LTBP1: variants seen among roughly 807,000 people sequenced by gnomAD.
LTBP1 encodes the protein latent-transforming growth factor beta-binding protein 1.
Under a neutral mutation model 207.6 loss-of-function variants are expected in LTBP1, and 129 were observed. That is an observed-to-expected ratio of 0.62 (90% CI 0.54 to 0.72). The LOEUF (loss-of-function observed/expected upper bound fraction) is 0.72, where lower values mean the gene tolerates loss of function less well. Ranked by LOEUF, LTBP1 falls within the 30% of genes least tolerant of loss-of-function variation. LTBP1 has a pLI of 0.00. For missense variants in LTBP1, 2,281 were observed against 2,217.2 expected (o/e 1.03, Z -0.58); for synonymous variants, 963 against 833.7 (o/e 1.16, Z -2.67).
intron 13 of LTBP1, among the ~76,000 whole-genome samples, chr2:33,262,174 A>G (rs1193711739): frequency 6.6e-6 from 1 of 152,226 alleles, no homozygotes; most frequent in Non-Finnish European, 1.5e-5. Flanking sequence ...CCTGGCTACC[A>G]CTGTTCAGAG....
At chr2:33,178,277 T>C (rs1408330470) in intron 5 of LTBP1, among the ~76,000 whole-genome samples, 1 of 152,162 alleles carries the variant, frequency 6.6e-6, no homozygotes, top group Non-Finnish European at 1.5e-5. Flanking sequence ...TGATGAAGAA[T>C]GTGAAGTGGA....
At chr2:33,005,619 CAG>C (rs374380723) in intron 2 of LTBP1, among the ~76,000 whole-genome samples, 2 of 126,620 alleles carry the variant, frequency 1.6e-5, no homozygotes, top group African/African-American at 6.1e-5. Context: ...TTTTTTGAGA[CAG>C]TGTGTTTCTG....
chr2:33,317,552 A>G (rs2094290897), intron 24 of LTBP1: 1 of 152,240 alleles, frequency 6.6e-6, no homozygotes, highest in African/African-American at 2.4e-5. Context: ...CTGCAGGACA[A>G]AGCCAGCTCA....
intron 2 of LTBP1, among the ~76,000 whole-genome samples, chr2:33,014,748 C>T (rs1053368833): frequency 6.6e-6 from 1 of 152,254 alleles, no homozygotes; most frequent in Non-Finnish European, 1.5e-5. Context: ...CTAGGATCAG[C>T]TTGTCAAACT....
At chr2:33,179,628 A>G (rs535274962) in intron 5 of LTBP1, among the ~76,000 whole-genome samples, 45 of 146,620 alleles carry the variant, frequency 3.1e-4, no homozygotes, top group Non-Finnish European at 5.1e-4. Flanking sequence ...ATGATTATAT[A>G]TTTAGTGAGT....
chr2:33,290,633 A>G (rs1353433544), intron 19 of LTBP1, among the ~76,000 whole-genome samples: 2 of 152,232 alleles, frequency 1.3e-5, no homozygotes, highest in Non-Finnish European at 2.9e-5. Context: ...AGGTGATTTG[A>G]GAGATATTTG....
At chr2:33,003,455 C>A (rs1573027069) in intron 2 of LTBP1, among the ~76,000 whole-genome samples, 1 of 152,184 alleles carries the variant, frequency 6.6e-6, no homozygotes, top group East Asian at 1.9e-4. Context: ...CAGATTTAAA[C>A]CTGTAAACCT....
chr2:33,134,686 T>C lies in LTBP1; in HGVS notation c.1034-107T>C. 6.2e-7 allele frequency: 1 copy of C among 1,601,160 alleles called. No individual in the cohort carries two copies. Among genetic ancestry groups the C allele is most frequent in the Non-Finnish European group, 8.5e-7 (1 of 1,175,098 alleles). ...TTGTGGGCTCTCTCTTTTCCCCTCT[T>C]GCTCCTTTCTTTTCTTTTTTTCTGT... On this transcript the variant is annotated intron_variant, in intron 4 of 33. Coordinates refer to ENST00000404816, the MANE Select transcript of LTBP1 (RefSeq NM_206943.4). This position sits in a 1 kb window ranked among gnomAD's most constrained non-coding sequence, Gnocchi z 4.4.
intron 3 of LTBP1, among the ~76,000 whole-genome samples, chr2:33,052,258 G>A (rs2076782698): frequency 6.6e-6 from 1 of 152,210 alleles, no homozygotes; most frequent in African/African-American, 2.4e-5. Flanking sequence ...AAATACTTGG[G>A]TGTGTGGTAT....
At chr2:33,277,716 TCCCCCA>T (rs2093456581) in intron 18 of LTBP1, among the ~76,000 whole-genome samples, 1 of 151,514 alleles carries the variant, frequency 6.6e-6, no homozygotes, top group South Asian at 2.1e-4. Flanking sequence ...CAGAGCAGTA[TCCCCCA>T]ACCCCCAACA....
chr2:33,226,685 G>T (rs1039665682), intron 9 of LTBP1, among the ~76,000 whole-genome samples: 3 of 152,182 alleles, frequency 2.0e-5, no homozygotes, highest in African/African-American at 7.2e-5. Flanking sequence ...TTGGAACCAC[G>T]TAAGATAACT....
intron 3 of LTBP1, among the ~76,000 whole-genome samples, chr2:33,063,802 TAG>T (rs2077374586): frequency 6.6e-6 from 1 of 152,136 alleles, no homozygotes; most frequent in African/African-American, 2.4e-5. Flanking sequence ...GTTTTCAGTA[TAG>T]AGATTTCTGA....
chr2:33,157,185 A>C (rs980408436), intron 5 of LTBP1, among the ~76,000 whole-genome samples: 1 of 152,220 alleles, frequency 6.6e-6, no homozygotes, highest in Admixed American at 6.5e-5. Context: ...TCAAACATCA[A>C]AGGTGTTTAG....
rs148530554 is a variant in LTBP1 at position 33,349,590 on chromosome 2, G to A, written c.4000+2080G>A. 2.8e-3 allele frequency among the ~76,000 whole-genome samples: 422 copies of A among 152,274 alleles called. 1 individual carries two copies. The highest frequency in any genetic ancestry group is 9.6e-3 in the African/African-American group (400 of 41,554). ...TATTACTTACACTTTCTTTGTAGAA[G>A]GGAGTGAGAATCTAAAGCCTTTTTC... On this transcript the variant is annotated intron_variant, in intron 26 of 33. Coordinates refer to ENST00000404816, the MANE Select transcript of LTBP1 (RefSeq NM_206943.4).
chr2:33,345,861 A>G (rs1359653344), intron 25 of LTBP1, among the ~76,000 whole-genome samples: 1 of 152,156 alleles, frequency 6.6e-6, no homozygotes, highest in Non-Finnish European at 1.5e-5. Flanking sequence ...TGCATAAGAC[A>G]TGTGAGCATT....
chr2:32,973,487 A>G (rs889134488), intron 2 of LTBP1, among the ~76,000 whole-genome samples: 1 of 152,190 alleles, frequency 6.6e-6, no homozygotes, highest in Admixed American at 6.5e-5. Context: ...TTCCCAGGGC[A>G]CATAAGATGC....
intron 32 of LTBP1, among the ~76,000 whole-genome samples, chr2:33,390,402 C>T (rs2150599307): frequency 6.6e-6 from 1 of 152,288 alleles, no homozygotes; most frequent in South Asian, 2.1e-4. Context: ...TAGATAGTCT[C>T]ACTTCAAGAA....
chr2:33,355,050 G>A (rs1456518457), intron 26 of LTBP1, among the ~76,000 whole-genome samples: 1 of 152,132 alleles, frequency 6.6e-6, no homozygotes, highest in Admixed American at 6.6e-5. Context: ...AACTAAACCT[G>A]ACGAGGAATG....
intron 5 of LTBP1, among the ~76,000 whole-genome samples, chr2:33,161,443 A>G (rs1179067636): frequency 6.6e-6 from 1 of 151,454 alleles, no homozygotes; most frequent in Admixed American, 6.6e-5. Flanking sequence ...ATTTTTTTGT[A>G]TTTTCAGTAG....
Sources: gnomAD v4.1 joint callset for allele counts (sites outside exome capture counted in the v4.1 genomes callset) on GRCh38, gnomAD v4.1.1 for gene constraint, Gnocchi (gnomAD v3.1) non-coding constraint, MANE v1.5 for transcripts, NCBI Gene and HGNC (gene_info 2026-07-23, HGNC 2026-07-21) for gene names.